SDK1: variants seen among roughly 807,000 people sequenced by gnomAD.
SDK1 encodes protein sidekick-1.
A neutral mutation model predicts 245.5 loss-of-function variants in SDK1; 157 were observed. That is an observed-to-expected ratio of 0.64 (90% CI 0.56 to 0.73). The LOEUF is 0.73. Ranked by LOEUF, SDK1 falls within the 30% of genes least tolerant of loss-of-function variation. The probability of loss-of-function intolerance (pLI) is 0.00; values close to 1 mark genes in which losing one functional copy is unlikely to be tolerated. For synonymous variants in SDK1, 1,647 were observed against 1,278.5 expected, an observed-to-expected ratio of 1.29 and a Z score of -6.15; for missense variants, 3,583 against 3,002.3, an observed-to-expected ratio of 1.19 and a Z score of -4.52.
Position 3,585,071 on chromosome 7 carries a change from C to T in SDK1, c.299-34009C>T, listed in dbSNP as rs568962094. ...ACTGCCTCACATTTTTCCTTGCTTC[C>T]TGTGCCTGTTTCCCTACATCCTGCT... On this transcript the variant is annotated intron_variant, in intron 1 of 44. Coordinates refer to ENST00000404826, the MANE Select transcript of SDK1 (RefSeq NM_152744.4). Among the ~76,000 whole-genome samples, 52 of 152,250 alleles carry T rather than the reference C, an allele frequency of 3.4e-4. 1 individual carries two copies. The South Asian group carries it at 0.01, about 30-fold the overall frequency.
Position 3,797,187 on chromosome 7 carries a change from G to A in SDK1, c.714-24263G>A, listed in dbSNP as rs182016504. On this transcript the variant is annotated intron_variant, in intron 4 of 44. Transcript: ENST00000404826. ...GTACCTGGCTAATTTTTAAATTTTC[G>A]TAGAGATGGGGTCTCTAACCCCTAG... is the stretch of plus-strand genomic sequence containing the variant. 9.6e-4 allele frequency among the ~76,000 whole-genome samples: 146 copies of A among 151,828 alleles called. 3 individuals carry two copies. The highest frequency in any genetic ancestry group is 3.3e-3 in the African/African-American group (136 of 41,410).
chr7:3,925,061 A>G (rs866144969), intron 5 of SDK1, among the ~76,000 whole-genome samples: 14 of 152,054 alleles, frequency 9.2e-5, no homozygotes, highest in Admixed American at 2.0e-4. Flanking sequence ...CCTTTTCTCA[A>G]TGTCCTGTTG....
At chr7:3,891,408 C>G (rs1213591331) in intron 5 of SDK1, among the ~76,000 whole-genome samples, 1 of 152,210 alleles carries the variant, frequency 6.6e-6, no homozygotes, top group East Asian at 1.9e-4. Context: ...GAGCAGATTT[C>G]TTAACCTGCT....
intron 1 of SDK1, among the ~76,000 whole-genome samples, chr7:3,411,661 GA>G (rs1258485422): frequency 2.0e-5 from 3 of 152,058 alleles, no homozygotes; most frequent in African/African-American, 7.2e-5. Flanking sequence ...ATTTTAACCT[GA>G]AAAAGCTCCC....
chr7:3,699,380 TAGAA>T (rs1419742135), intron 4 of SDK1, among the ~76,000 whole-genome samples: 18 of 151,578 alleles, frequency 1.2e-4, no homozygotes, highest in African/African-American at 1.7e-4. Flanking sequence ...ATGCTGGAAA[TAGAA>T]AGAAAAAAGA....
chr7:3,357,805 C>G (rs1158325232), intron 1 of SDK1, among the ~76,000 whole-genome samples: 1 of 152,120 alleles, frequency 6.6e-6, no homozygotes, highest in Non-Finnish European at 1.5e-5. Flanking sequence ...ACAGTAAACT[C>G]TGAACTTTCT....
intron 1 of SDK1, among the ~76,000 whole-genome samples, chr7:3,593,757 G>T (rs565065590): frequency 6.6e-6 from 1 of 152,268 alleles, no homozygotes; most frequent in South Asian, 2.1e-4. Context: ...ACGCAAGAGG[G>T]CATATGGCAC....
At chr7:3,823,019 C>G (rs1258364482) in intron 5 of SDK1, among the ~76,000 whole-genome samples, 2 of 152,048 alleles carry the variant, frequency 1.3e-5, no homozygotes, top group Admixed American at 6.6e-5. Context: ...TTGAATCTCG[C>G]TCTGCAGAAC....
At chr7:4,207,874 T>TA (rs1784312704) in intron 36 of SDK1, among the ~76,000 whole-genome samples, 1 of 152,156 alleles carries the variant, frequency 6.6e-6, no homozygotes, top group Non-Finnish European at 1.5e-5. Context: ...AGGAAAATGT[T>TA]AAACATCGTC....
chr7:3,971,956 C>G (rs546041881), intron 12 of SDK1, among the ~76,000 whole-genome samples: 1 of 151,890 alleles, frequency 6.6e-6, no homozygotes, highest in Non-Finnish European at 1.5e-5. Context: ...TCTTTACTCT[C>G]GGGATAGTTT....
intron 38 of SDK1, 28 bp downstream of exon 38, chr7:4,210,190 G>T (rs1328279932): frequency 6.6e-7 from 1 of 1,508,756 alleles, no homozygotes; most frequent in South Asian, 1.3e-5. Context: ...GGAGATGGGA[G>T]CGCGGGCCAC....
intron 13 of SDK1, among the ~76,000 whole-genome samples, chr7:3,980,398 C>T (rs1333562244): frequency 1.3e-5 from 2 of 152,192 alleles, no homozygotes; most frequent in Non-Finnish European, 2.9e-5. Flanking sequence ...CAGCACTGGG[C>T]TTCGCTTCCA....
At chr7:3,983,483 G>C (rs1229054933) in intron 13 of SDK1, among the ~76,000 whole-genome samples, 1 of 125,172 alleles carries the variant, frequency 8.0e-6, no homozygotes, top group Non-Finnish European at 1.9e-5. Context: ...ACCTTTTTTA[G>C]CATGAAGTAT....
At chr7:4,029,230 G>GTGTA (rs1302594007) in intron 17 of SDK1, among the ~76,000 whole-genome samples, 2 of 35,726 alleles carry the variant, frequency 5.6e-5, no homozygotes, top group African/African-American at 5.8e-4. Flanking sequence ...TTTTTTTTTT[G>GTGTA]TGAAGAAGTC....
In SDK1 at chr7:4,091,277, T is replaced by C. The variant is rs1329191862; in HGVS notation, c.3324+11693T>C. ...GGCAATGATCCTTACTGGGGCATTC[T>C]GTCTCACAGTGAGTGCTGGCTTAGA... On this transcript the variant is annotated intron_variant, in intron 22 of 44. Transcript: ENST00000404826. Among the ~76,000 whole-genome samples, 3 of 152,034 alleles carry C rather than the reference T, an allele frequency of 2.0e-5. No homozygotes were observed. In the East Asian group the frequency reaches 5.8e-4, roughly 29 times the overall value.
rs181798916 is a variant in SDK1 at position 3,886,408 on chromosome 7, C to T, written c.848-64515C>T. ...CAGCAGCACGGCTGCACCAGACCAT[C>T]GGGGTATTTTTACTTTACAGATAAT... On this transcript the variant is annotated intron_variant, in intron 5 of 44. Coordinates refer to ENST00000404826, the MANE Select transcript of SDK1 (RefSeq NM_152744.4). 1.6e-3 allele frequency among the ~76,000 whole-genome samples: 242 copies of T among 152,312 alleles called. 2 individuals carry two copies. The highest frequency in any genetic ancestry group is 5.5e-3 in the African/African-American group (229 of 41,566).
rs145936490 is a variant in SDK1, at chr7:4,172,446, A to T, written c.4801-1776A>T. Among the ~76,000 whole-genome samples, 82 of 152,280 alleles carry T rather than the reference A, an allele frequency of 5.4e-4. No individual in the cohort carries two copies. In the East Asian group the frequency reaches 0.015, roughly 27 times the overall value. On this transcript the variant is annotated intron_variant, in intron 32 of 44. Transcript: ENST00000404826. The stretch of plus-strand genomic sequence containing the variant: ...TCGGAGAGCCTGGGGAGCAAAGAAC[A>T]CCGCTTCCTCCACGTTTGGGTTTTG...
chr7:3,519,059 A>G (rs1452739521), intron 1 of SDK1, among the ~76,000 whole-genome samples: 1 of 152,158 alleles, frequency 6.6e-6, no homozygotes, highest in Admixed American at 6.6e-5. Context: ...AAAGTTAAAC[A>G]CCACATATGT....
intron 17 of SDK1, among the ~76,000 whole-genome samples, chr7:4,038,134 G>A (rs1352937218): frequency 2.0e-5 from 3 of 152,122 alleles, no homozygotes; most frequent in Non-Finnish European, 2.9e-5. Flanking sequence ...TGTGGCTAAC[G>A]GCGCCACAGG....
Sources: gnomAD v4.1 joint callset for allele counts (sites outside exome capture counted in the v4.1 genomes callset) on GRCh38, gnomAD v4.1.1 for gene constraint, MANE v1.5 for transcripts, NCBI Gene and HGNC (gene_info 2026-07-23, HGNC 2026-07-21) for gene names.